GRID2: variants seen among roughly 807,000 people sequenced by gnomAD.
The protein encoded by GRID2 is glutamate receptor ionotropic, delta-2.
GRID2 carries 33 observed loss-of-function variants against 114.8 expected under a neutral mutation model. The ratio of observed to expected loss-of-function variants is 0.29; its 90% CI spans 0.22 to 0.38. GRID2 has a LOEUF of 0.38. Ranked by LOEUF, GRID2 falls within the 10% of genes least tolerant of loss-of-function variation. The probability of loss-of-function intolerance (pLI) is 1.00; values close to 1 mark genes in which losing one functional copy is unlikely to be tolerated. For synonymous variants in GRID2, 505 were observed against 449.9 expected, an observed-to-expected ratio of 1.12 and a Z score of -1.55; for missense variants, 1,184 against 1,257.7, an observed-to-expected ratio of 0.94 and a Z score of 0.89.
At chr4:93,538,698 A>G (rs891864739) in intron 13 of GRID2, among the ~76,000 whole-genome samples, 1 of 151,792 alleles carries the variant, frequency 6.6e-6, no homozygotes, top group Non-Finnish European at 1.5e-5. Context: ...TCTAATCATG[A>G]GAAAAGAAAT....
At position 93,068,684 on chromosome 4, in the gene GRID2, T is replaced by C. The variant is rs190225903; in HGVS notation, c.245-16311T>C. Among the ~76,000 whole-genome samples, 403 of 130,696 alleles carry C rather than the reference T, an allele frequency of 3.1e-3. 2 individuals carry two copies. Among genetic ancestry groups the C allele is most frequent in the African/African-American group, 0.011 (392 of 34,322 alleles). The allele number at this position is 130,696 out of a possible 152,430, so 85.7% of individuals were successfully genotyped here. ...ATAATTTCCTACTCAAAGTAGCCTT[T>C]CCTATTTACAAAAAAAAAAATTCAG... On this transcript the variant is annotated intron_variant, in intron 2 of 15. Coordinates refer to ENST00000282020, the MANE Select transcript of GRID2 (RefSeq NM_001510.4).
At chr4:92,895,581 T>C (rs1337148650) in intron 2 of GRID2, among the ~76,000 whole-genome samples, 2 of 151,788 alleles carry the variant, frequency 1.3e-5, no homozygotes, top group African/African-American at 2.4e-5. Context: ...CAATTTGAGT[T>C]ACCAGTAATA....
intron 11 of GRID2, among the ~76,000 whole-genome samples, chr4:93,489,087 G>T (rs953105932): frequency 2.6e-5 from 4 of 151,718 alleles, no homozygotes; most frequent in Non-Finnish European, 5.9e-5. Context: ...AAATTATAAA[G>T]GACGGAAATA....
chr4:92,642,558 A>C (rs925962151), intron 2 of GRID2, among the ~76,000 whole-genome samples: 1 of 151,714 alleles, frequency 6.6e-6, no homozygotes, highest in African/African-American at 2.4e-5. Context: ...TAGTTTGCAG[A>C]TATGTTCTCT....
chr4:93,592,129 G>A (rs1426458777), intron 13 of GRID2, among the ~76,000 whole-genome samples: 1 of 152,060 alleles, frequency 6.6e-6, no homozygotes, highest in African/African-American at 2.4e-5. Flanking sequence ...TGCTTTTCTA[G>A]TTCTTTTAAT....
At chr4:92,604,516 C>T (rs1729364613) in intron 2 of GRID2, among the ~76,000 whole-genome samples, 1 of 150,750 alleles carries the variant, frequency 6.6e-6, no homozygotes, top group East Asian at 2.0e-4. Context: ...GGGAGGGGAA[C>T]AGGGAGGGGA....
chr4:93,771,960 T>C (rs751519600), intron 15 of GRID2, 116 bp from the exon 16 acceptor site: 11 of 651,478 alleles, frequency 1.7e-5, no homozygotes, highest in African/African-American at 5.5e-5. Flanking sequence ...TAAATATTTG[T>C]TAAATGAATA....
At chr4:93,769,976 A>C (rs1049776051) in intron 15 of GRID2, among the ~76,000 whole-genome samples, 1 of 152,136 alleles carries the variant, frequency 6.6e-6, no homozygotes, top group Non-Finnish European at 1.5e-5. Flanking sequence ...TCAAATCCAA[A>C]ATCCACATCA....
chr4:93,347,713 A>G (rs1760382112), intron 8 of GRID2, among the ~76,000 whole-genome samples: 1 of 152,156 alleles, frequency 6.6e-6, no homozygotes, highest in African/African-American at 2.4e-5. Context: ...ACTATTTGTT[A>G]TCTCATTCTA....
At chr4:92,711,331 A>G (rs1422432047) in intron 2 of GRID2, among the ~76,000 whole-genome samples, 2 of 152,176 alleles carry the variant, frequency 1.3e-5, no homozygotes, top group African/African-American at 4.8e-5. Flanking sequence ...ATAGGCTGAA[A>G]TCAACATCTC....
At chr4:93,367,018 T>A (rs1176239023) in intron 8 of GRID2, among the ~76,000 whole-genome samples, 1 of 151,988 alleles carries the variant, frequency 6.6e-6, no homozygotes, top group Non-Finnish European at 1.5e-5. Flanking sequence ...AGTATATTTC[T>A]ACTTTCCTTG....
intron 2 of GRID2, among the ~76,000 whole-genome samples, chr4:92,777,267 T>G (rs543485723): frequency 1.3e-4 from 20 of 152,172 alleles, no homozygotes; most frequent in African/African-American, 4.3e-4. Context: ...AAACAGAAAT[T>G]TTTTAAAAAT....
At chr4:93,579,579 G>A (rs1226409127) in intron 13 of GRID2, among the ~76,000 whole-genome samples, 1 of 152,130 alleles carries the variant, frequency 6.6e-6, no homozygotes, top group Non-Finnish European at 1.5e-5. Context: ...CCAATGGGAA[G>A]TATGATAGAG....
At chr4:93,039,183 A>C (rs1001378927) in intron 2 of GRID2, among the ~76,000 whole-genome samples, 2 of 152,116 alleles carry the variant, frequency 1.3e-5, no homozygotes, top group Non-Finnish European at 2.9e-5. Context: ...ATGGATGAAG[A>C]TGGAAACCAT....
chr4:92,726,471 G>C lies in GRID2; in HGVS notation c.244+136185G>C, dbSNP rs113031449. Among the ~76,000 whole-genome samples the C allele has an allele frequency of 7.1e-3, 1,084 of 152,122 alleles. 6 individuals carry two copies. The highest frequency in any genetic ancestry group is 0.011 in the Non-Finnish European group (762 of 67,940). On this transcript the variant is annotated intron_variant, in intron 2 of 15. Coordinates refer to ENST00000282020, the MANE Select transcript of GRID2 (RefSeq NM_001510.4). The stretch of plus-strand genomic sequence containing the variant: ...ATGTGGTGCACCACTATACATGAAA[G>C]TAGCTGCTTTTTTAATTGGTATAAA...
At chr4:93,740,942 A>G in intron 14 of GRID2, among the ~76,000 whole-genome samples, 1 of 151,342 alleles carries the variant, frequency 6.6e-6, no homozygotes, top group South Asian at 2.1e-4. Context: ...CTTACCTGCA[A>G]GGAGTATTAT....
chr4:93,613,483 G>A (rs1332153011), intron 13 of GRID2, among the ~76,000 whole-genome samples: 2 of 77,946 alleles, frequency 2.6e-5, no homozygotes, highest in East Asian at 2.8e-4. Flanking sequence ...TGTACAGATG[G>A]GTTTTCGGTG....
chr4:92,485,828 G>A (rs1046452512), intron 1 of GRID2, among the ~76,000 whole-genome samples: 1 of 152,000 alleles, frequency 6.6e-6, no homozygotes, highest in Non-Finnish European at 1.5e-5. Flanking sequence ...ATGTTTGTAT[G>A]TCTGACATAA....
chr4:93,780,058 G>C (rs1734448779), intron 1 of GRID2, among the ~76,000 whole-genome samples: 1 of 152,214 alleles, frequency 6.6e-6, no homozygotes, highest in African/African-American at 2.4e-5. Flanking sequence ...AGTTAACTGA[G>C]GGAGACAGAT....
Sources: allele counts gnomAD v4.1 joint callset (sites outside exome capture counted in the v4.1 genomes callset), GRCh38; gene constraint gnomAD v4.1.1; transcripts MANE v1.5; gene names NCBI Gene and HGNC (gene_info 2026-07-23, HGNC 2026-07-21).